Variants in NEB observed in about 807,000 individuals in gnomAD.
NEB encodes nebulin.
Under a neutral mutation model 952.2 loss-of-function variants are expected in NEB, and 512 were observed. The ratio of observed to expected loss-of-function variants is 0.54; its 90% CI spans 0.50 to 0.58. The LOEUF (loss-of-function observed/expected upper bound fraction) is 0.58, where lower values mean the gene tolerates loss of function less well. Ranked by LOEUF, NEB falls within the 20% of genes least tolerant of loss-of-function variation. NEB has a pLI of 0.00. For missense variants in NEB, 8,428 were observed against 9,231.1 expected (o/e 0.91, Z 3.56); for synonymous variants, 2,900 against 3,149.8 (o/e 0.92, Z 2.66).
chr2:151,664,322 A>G (rs1000448946), intron 44 of NEB, among the ~76,000 whole-genome samples, 179 bp downstream of exon 44: 1 of 152,232 alleles, frequency 6.6e-6, no homozygotes, highest in Non-Finnish European at 1.5e-5. Flanking sequence ...TACTTACATT[A>G]AATAATGAAC....
intron 127 of NEB, among the ~76,000 whole-genome samples, chr2:151,553,103 C>T (rs2095432769): frequency 6.6e-6 from 1 of 152,198 alleles, no homozygotes. Flanking sequence ...ACAAATCACA[C>T]TTTCCTAAAA....
At position 151,656,197 on chromosome 2, in the gene NEB, T is replaced by C. The variant is rs1365488623; in HGVS notation, c.6451A>G (p.Met2151Val). Residue 2151 changes from methionine to valine, a missense_variant, in exon 49 of 182, where the codon ATG becomes GTG. This residue lies in a region of NEB where 2,851 missense variants were observed against 2,791.5 expected (regional missense o/e 1.02). Coordinates refer to ENST00000397345, the MANE Select transcript of NEB (RefSeq NM_001164508.2). Reference protein sequence around the residue: ...IHKYILLPDAMNIELTRNMNR... With the variant: ...IHKYILLPDAVNIELTRNMNR... Reference sequence around the variant, plus strand: ...ATATTCCTGGTCAGCTCAATGTTCATTGCATCTGGAAGGAGGATGTACTTG... The same window carrying C: ...ATATTCCTGGTCAGCTCAATGTTCACTGCATCTGGAAGGAGGATGTACTTG... 2 of 1,609,646 alleles carry C rather than the reference T, an allele frequency of 1.2e-6. No homozygotes were observed. Among genetic ancestry groups the C allele is most frequent in the South Asian group, 2.2e-5 (2 of 90,422 alleles).
chr2:151,548,276 A>C (rs769755058), intron 131 of NEB, 32 bp downstream of exon 131: 1 of 1,522,892 alleles, frequency 6.6e-7, no homozygotes, highest in Non-Finnish European at 9.1e-7. Flanking sequence ...TTGAAACTCA[A>C]TATGTCTCTT....
Position 151,591,463 on chromosome 2 carries a change from CAG to C in NEB, c.14827-10_14827-9del, listed in dbSNP as rs536426422. ...AGCTTGCTGATAGCGTTTCTGCAAA[CAG>C]AGAGTGCAATGCCACAGTCAGTCTG... On this transcript the variant is annotated splice_polypyrimidine_tract_variant and intron_variant, in intron 95 of 181. Transcript: ENST00000397345. The C allele has an allele frequency of 2.8e-4, 437 of 1,546,720 alleles. No homozygotes were observed. The African/African-American group carries it at 5.6e-3, about 20-fold the overall frequency.
intron 20 of NEB, 157 bp from the exon 21 acceptor site, chr2:151,692,519 T>G (rs1194806898): frequency 1.4e-6 from 1 of 691,398 alleles, no homozygotes. Context: ...ATAGATGTGG[T>G]AGAGGCTCAT....
At chr2:151,654,194 A>G in intron 51 of NEB, 95 bp from the exon 52 acceptor site, 1 of 604,400 alleles carries the variant, frequency 1.7e-6, no homozygotes, top group Admixed American at 3.4e-5. Flanking sequence ...TGAATATCAG[A>G]TCGAACATCA....
chr2:151,537,010 AC>A, intron 141 of NEB, 121 bp downstream of exon 141: 1 of 556,260 alleles, frequency 1.8e-6, no homozygotes, highest in East Asian at 2.9e-5. Context: ...ATGTACTCAG[AC>A]TATAAGGTCT....
chr2:151,497,831 T>C, intron 170 of NEB, 113 bp from the exon 171 acceptor site: 1 of 1,525,510 alleles, frequency 6.6e-7, no homozygotes, highest in Non-Finnish European at 8.8e-7. Flanking sequence ...AGTTATATGC[T>C]GACAAAATGC....
rs768012126 is a variant in NEB at position 151,525,173 on chromosome 2, T to C, written c.22262A>G (p.Lys7421Arg). The stretch of plus-strand genomic sequence containing the variant: ...AGAGGGAAAACTTACATCACTTTGC[T>C]TCTTGGCCACTTCCATAGCATGTTT... ...EVKHAMEVAK[K>R]QSDVAYRKDA... Residue 7421 changes from lysine to arginine, a missense_variant, in exon 151 of 182, where the codon AAG becomes AGG. By Grantham distance (26) the Lys-to-Arg change is conservative. Transcript: ENST00000397345. The C allele has an allele frequency of 6.2e-6, 10 of 1,613,388 alleles. 1 individual carries two copies. Among genetic ancestry groups the C allele is most frequent in the South Asian group, 4.4e-5 (4 of 91,060 alleles).
At chr2:151,620,513 C>T (rs1299884307) in intron 72 of NEB, among the ~76,000 whole-genome samples, 1 of 151,606 alleles carries the variant, frequency 6.6e-6, no homozygotes, top group Non-Finnish European at 1.5e-5. Flanking sequence ...AATATTGGTT[C>T]TGTGCACCAC....
At chr2:151,507,657 T>G in intron 162 of NEB, 1 of 231,142 alleles carries the variant, frequency 4.3e-6, no homozygotes, top group Non-Finnish European at 8.6e-6. Context: ...CCCTGTTTCT[T>G]TGGGTAGTCA....
At position 151,570,331 on chromosome 2, in the gene NEB, C is replaced by T. The variant is rs533494950; in HGVS notation, c.17180G>A (p.Arg5727Lys). ...KGHYVGTLTA[R>K]DDNKIRWALI... The stretch of plus-strand genomic sequence containing the variant: ...GGCCCAGCGGATCTTGTTGTCATCC[C>T]TGGCTGTGAGGGTGCCCACGTAGTG... Residue 5727 changes from arginine (R) to lysine (K), a missense_variant, in exon 109 of 182, where the codon AGG becomes AAG. Transcript: ENST00000397345. The T allele has an allele frequency of 1.2e-6, 2 of 1,606,048 alleles. No individual in the cohort carries two copies. Among genetic ancestry groups the T allele is most frequent in the African/African-American group, 1.3e-5 (1 of 74,710 alleles).
chr2:151,489,806 TAATG>T (rs976742353), intron 181 of NEB, among the ~76,000 whole-genome samples, 161 bp downstream of exon 181: 4 of 152,088 alleles, frequency 2.6e-5, no homozygotes, highest in African/African-American at 9.7e-5. Context: ...TTGAGTTAGA[TAATG>T]AAAGTTTTCT....
At chr2:151,656,116 G>C (rs1394759362) in intron 49 of NEB, 37 bp downstream of exon 49, 11 of 1,574,268 alleles carry the variant, frequency 7.0e-6, no homozygotes, top group Non-Finnish European at 9.5e-6. Flanking sequence ...TCCCATGCTA[G>C]GATTCCAACC....
chr2:151,505,075 A>G (rs572469655), intron 165 of NEB, among the ~76,000 whole-genome samples: 15 of 152,334 alleles, frequency 9.8e-5, no homozygotes, highest in African/African-American at 3.6e-4. Flanking sequence ...CATGTTTTAT[A>G]TATATACACA....
chr2:151,633,506 T>C lies in NEB; in HGVS notation c.9414+148A>G, dbSNP rs577274382. 16 of 1,240,084 alleles carry C rather than the reference T, an allele frequency of 1.3e-5. No individual in the cohort carries two copies. In the African/African-American group the frequency reaches 2.4e-4, roughly 19 times the overall value. The allele number at this position is 1,240,084 out of a possible 1,614,324, so 76.8% of individuals were successfully genotyped here. A position where few individuals can be genotyped will look rare whatever the true frequency, so the allele number is the denominator to read the frequency against. On this transcript the variant is annotated intron_variant, in intron 65 of 181. Transcript: ENST00000397345. ...CTTATGAAGTCTATTAGTGTATTCATAATAAAGCAATAAAATTGTATTCTG... is the reference window on the plus strand; with the variant it reads ...CTTATGAAGTCTATTAGTGTATTCACAATAAAGCAATAAAATTGTATTCTG...
At position 151,553,822 on chromosome 2, in the gene NEB, G is replaced by A. The variant is rs2095477240; in HGVS notation, c.19626+6C>T. 6.2e-7 allele frequency: 1 copy of A among 1,604,442 alleles called. No individual in the cohort carries two copies. The highest frequency in any genetic ancestry group is 1.3e-5 in the African/African-American group (1 of 74,822). On this transcript the variant is annotated splice_donor_region_variant and intron_variant, in intron 126 of 181. Coordinates refer to ENST00000397345, the MANE Select transcript of NEB (RefSeq NM_001164508.2). ...TGGAGGGGTACTTCTTAAGTCACAGGCTTACATCGCTGATCTGATCTGTGA... is the reference window on the plus strand; with the variant it reads ...TGGAGGGGTACTTCTTAAGTCACAGACTTACATCGCTGATCTGATCTGTGA...
intron 171 of NEB, 56 bp from the exon 172 acceptor site, chr2:151,497,089 A>AAAG (rs2152958322): frequency 2.0e-6 from 3 of 1,531,898 alleles, no homozygotes; most frequent in Admixed American, 3.9e-5. Flanking sequence ...TCATTTGTTG[A>AAAG]AAGGTTTTAA....
At position 151,679,858 on chromosome 2, in the gene NEB, T is replaced by A. The variant is rs1361807674; in HGVS notation, c.3148-30A>T. On this transcript the variant is annotated intron_variant, in intron 31 of 181. Transcript: ENST00000397345. ...AAGAAAAATGTCATTTAAGTACAAC[T>A]TAGAGACTGTGTTAGTAAAGTCTGG... 3.1e-6 allele frequency: 5 copies of A among 1,609,500 alleles called. No homozygotes were observed. The South Asian group carries it at 5.5e-5, about 18-fold the overall frequency.
Sources: allele counts gnomAD v4.1 joint callset (sites outside exome capture counted in the v4.1 genomes callset), GRCh38; gene constraint gnomAD v4.1.1; regional missense constraint gnomAD v4.1.1; transcripts MANE v1.5; gene names NCBI Gene and HGNC (gene_info 2026-07-23, HGNC 2026-07-21).